RIMS1: variants seen among roughly 807,000 people sequenced by gnomAD.
RIMS1 encodes regulating synaptic membrane exocytosis protein 1.
A neutral mutation model predicts 214.1 loss-of-function variants in RIMS1; 83 were observed. The ratio of observed to expected loss-of-function variants is 0.39; its 90% CI spans 0.32 to 0.47. The LOEUF is 0.47. Among genes scored for constraint, RIMS1 ranks in the 20% least tolerant of loss-of-function variants. The probability of loss-of-function intolerance (pLI) is 0.99; values close to 1 mark genes in which losing one functional copy is unlikely to be tolerated. For synonymous variants in RIMS1, 793 were observed against 786.8 expected (o/e 1.01, Z -0.13); for missense variants, 2,050 against 2,161.8 (o/e 0.95, Z 1.03).
rs909652034 is a variant in RIMS1, at chr6:72,006,754, C to A, written c.245+37691C>A. On this transcript the variant is annotated intron_variant, in intron 2 of 33. Coordinates refer to ENST00000521978, the MANE Select transcript of RIMS1 (RefSeq NM_014989.7). ...AGCACAGCAGTCTGAAATCAAGCTG[C>A]AAGGCAGCAGTGAGGCTGGGGGAGG... Among the ~76,000 whole-genome samples, 40 of 152,178 alleles carry A rather than the reference C, an allele frequency of 2.6e-4. 2 individuals carry two copies. The highest frequency in any genetic ancestry group is 4.4e-5 in the Non-Finnish European group (3 of 68,030).
At chr6:72,163,426 G>A (rs975181662) in intron 4 of RIMS1, among the ~76,000 whole-genome samples, 12 of 141,400 alleles carry the variant, frequency 8.5e-5, no homozygotes, top group African/African-American at 2.7e-4. Flanking sequence ...CATTGCTGGT[G>A]AGGAGCTGTG....
At chr6:71,912,972 C>T (rs1165176213) in intron 1 of RIMS1, among the ~76,000 whole-genome samples, 1 of 152,060 alleles carries the variant, frequency 6.6e-6, no homozygotes, top group Non-Finnish European at 1.5e-5. Flanking sequence ...AAATTTCACG[C>T]ACCATCCTTT....
intron 1 of RIMS1, among the ~76,000 whole-genome samples, chr6:71,936,945 T>A (rs1170996666): frequency 9.9e-5 from 15 of 152,240 alleles, no homozygotes; most frequent in Non-Finnish European, 5.9e-5. Context: ...ATTAGCTTTC[T>A]ATCACTGTCC....
chr6:72,262,518 C>T (rs2078493995), intron 19 of RIMS1: 2 of 985,106 alleles, frequency 2.0e-6, no homozygotes, highest in Admixed American at 6.2e-5. Flanking sequence ...TGTCTTTTCT[C>T]CTTCCTGTCT....
Position 72,290,588 on chromosome 6 carries a change from G to A in RIMS1, c.3555-91G>A, listed in dbSNP as rs76570730. 7,810 of 1,067,104 alleles carry A rather than the reference G, an allele frequency of 7.3e-3. 360 individuals are homozygous for A. The African/African-American group carries it at 0.1, about 14-fold the overall frequency. The allele number at this position is 1,067,104 out of a possible 1,614,324, so 66.1% of individuals were successfully genotyped here. A position where few individuals can be genotyped will look rare whatever the true frequency, so the allele number is the denominator to read the frequency against. ...CTTCTTTGAAATTACTGTCATGTAC[G>A]AGTAACCAGGTTTTCCTTGGACAAA... On this transcript the variant is annotated intron_variant, in intron 24 of 33. Coordinates refer to ENST00000521978, the MANE Select transcript of RIMS1 (RefSeq NM_014989.7).
intron 1 of RIMS1, among the ~76,000 whole-genome samples, chr6:71,946,802 C>T (rs1244725619): frequency 6.6e-6 from 1 of 151,616 alleles, no homozygotes; most frequent in African/African-American, 2.4e-5. Flanking sequence ...TGATATCAAG[C>T]TAAAAATCTT....
intron 29 of RIMS1, among the ~76,000 whole-genome samples, chr6:72,344,187 C>T (rs745347907): frequency 5.3e-5 from 8 of 151,694 alleles, no homozygotes; most frequent in Non-Finnish European, 1.0e-4. Flanking sequence ...CCTGGAGAGC[C>T]TACTTTATTT....
chr6:71,923,648 T>G (rs1482232788), intron 1 of RIMS1, among the ~76,000 whole-genome samples: 1 of 151,746 alleles, frequency 6.6e-6, no homozygotes, highest in Admixed American at 6.6e-5. Flanking sequence ...CTCACCGCAA[T>G]CACAGCCTCT....
chr6:72,305,495 G>A (rs530001120), intron 26 of RIMS1, among the ~76,000 whole-genome samples: 62 of 152,156 alleles, frequency 4.1e-4, no homozygotes, highest in African/African-American at 1.3e-3. Context: ...GACTTACTCA[G>A]AACTCAAAGC....
chr6:71,997,331 GT>G (rs1803763630), intron 2 of RIMS1, among the ~76,000 whole-genome samples: 1 of 152,036 alleles, frequency 6.6e-6, no homozygotes, highest in South Asian at 2.1e-4. Context: ...ATGCAGCAAG[GT>G]TTCTTTGAAT....
chr6:71,963,807 G>A (rs950877986), intron 1 of RIMS1, among the ~76,000 whole-genome samples: 2 of 151,972 alleles, frequency 1.3e-5, no homozygotes, highest in African/African-American at 4.8e-5. Context: ...CTATTACCTA[G>A]AATCTGTTTT....
Position 72,398,237 on chromosome 6 carries a change from T to C in RIMS1, c.4619-12T>C. 1.3e-6 allele frequency: 2 copies of C among 1,557,660 alleles called. No individual in the cohort carries two copies. Among genetic ancestry groups the C allele is most frequent in the Non-Finnish European group, 8.8e-7 (1 of 1,135,470 alleles). On this transcript the variant is annotated splice_polypyrimidine_tract_variant and intron_variant, in intron 31 of 33. Transcript: ENST00000521978. ...AGAAGCTGAAACACATCTTGCTCCT[T>C]TCCATTTGCAGGTGATATACAAATA...
At chr6:71,974,099 T>C (rs1269881473) in intron 2 of RIMS1, among the ~76,000 whole-genome samples, 4 of 152,094 alleles carry the variant, frequency 2.6e-5, no homozygotes, top group East Asian at 1.9e-4. Context: ...TTGTATGAGG[T>C]AGATCTGGAT....
At position 71,886,947 on chromosome 6, in the gene RIMS1, C is replaced by G. The variant is rs1767920596; in HGVS notation, c.-77C>G. On this transcript the variant is annotated 5_prime_UTR_variant, in exon 1 of 34. Transcript: ENST00000521978. ...CTAGGGCTCCGCTGTGAGGGGGAAG[C>G]AGGGGCGCAGCTGCTGGGCGTGCAT... 4.0e-6 allele frequency: 6 copies of G among 1,518,382 alleles called. No individual in the cohort carries two copies. The highest frequency in any genetic ancestry group is 2.2e-4 in the Middle Eastern group (1 of 4,638). The allele number at this position is 1,518,382 out of a possible 1,614,324, so 94.1% of individuals were successfully genotyped here.
intron 2 of RIMS1, among the ~76,000 whole-genome samples, chr6:72,065,621 C>A (rs1829095643): frequency 6.6e-6 from 1 of 152,092 alleles, no homozygotes; most frequent in African/African-American, 2.4e-5. Flanking sequence ...TGATCTCTTA[C>A]TCCATGCCAT....
At chr6:72,369,939 T>A (rs2098163112) in intron 29 of RIMS1, among the ~76,000 whole-genome samples, 1 of 152,192 alleles carries the variant, frequency 6.6e-6, no homozygotes, top group African/African-American at 2.4e-5. Context: ...TTCAGAGAGT[T>A]AAGGAGATCC....
chr6:72,167,099 A>T (rs144303195), intron 4 of RIMS1, among the ~76,000 whole-genome samples: 60 of 152,012 alleles, frequency 3.9e-4, no homozygotes, highest in Middle Eastern at 3.5e-3. Context: ...ATTATTCTGA[A>T]ATCTTTTTTA....
At chr6:72,337,643 G>T (rs1044664317) in intron 29 of RIMS1, among the ~76,000 whole-genome samples, 12 of 151,100 alleles carry the variant, frequency 7.9e-5, no homozygotes, top group Non-Finnish European at 8.9e-5. Context: ...ACAATGTGCA[G>T]GTTTGTTACA....
chr6:72,109,342 C>T (rs980699149), intron 4 of RIMS1, among the ~76,000 whole-genome samples: 17 of 150,562 alleles, frequency 1.1e-4, no homozygotes, highest in Non-Finnish European at 1.9e-4. Context: ...TCCTATTTCT[C>T]CACCTCCTCT....
Sources: gnomAD v4.1 joint callset for allele counts (sites outside exome capture counted in the v4.1 genomes callset) on GRCh38, gnomAD v4.1.1 for gene constraint, MANE v1.5 for transcripts, NCBI Gene and HGNC (gene_info 2026-07-23, HGNC 2026-07-21) for gene names.